GNG4: variants seen among roughly 807,000 people sequenced by gnomAD.
GNG4 encodes guanine nucleotide-binding protein G(I)/G(S)/G(O) subunit gamma-4.
Under a neutral mutation model 5.8 loss-of-function variants are expected in GNG4, and 4 were observed. That is an observed-to-expected ratio of 0.69 (90% CI 0.34 to 1.57). The LOEUF (loss-of-function observed/expected upper bound fraction) is 1.57, where lower values mean the gene tolerates loss of function less well. Ranked by LOEUF, GNG4 falls within the 40% of genes most tolerant of loss-of-function variation. The pLI is 0.06. For missense variants in GNG4, 96 were observed against 95.1 expected (o/e 1.01, Z -0.04); for synonymous variants, 29 against 32.9 (o/e 0.88, Z 0.41).
chr1:235,635,694 C>T (rs1015644089), intron 1 of GNG4, among the ~76,000 whole-genome samples: 3 of 152,106 alleles, frequency 2.0e-5, no homozygotes, highest in Non-Finnish European at 4.4e-5. Flanking sequence ...TATAGCAACA[C>T]AAAACCAACT....
intron 2 of GNG4, among the ~76,000 whole-genome samples, chr1:235,584,460 TTTG>T (rs1242088405): frequency 6.6e-6 from 1 of 151,456 alleles, no homozygotes; most frequent in East Asian, 1.9e-4. Flanking sequence ...TTAATTTTAA[TTTG>T]TTGTCCTTCC....
chr1:235,554,211 C>T (rs1371342340), intron 3 of GNG4, among the ~76,000 whole-genome samples: 3 of 152,102 alleles, frequency 2.0e-5, no homozygotes, highest in Admixed American at 2.0e-4. Flanking sequence ...GAGATTGAGC[C>T]CTCCCTTGCT....
At chr1:235,626,765 C>G (rs1688819017) in intron 1 of GNG4, among the ~76,000 whole-genome samples, 1 of 152,006 alleles carries the variant, frequency 6.6e-6, no homozygotes, top group African/African-American at 2.4e-5. Flanking sequence ...TAGGGACCAG[C>G]CTGGCCAACA....
chr1:235,633,641 C>T (rs2102984210), intron 1 of GNG4, among the ~76,000 whole-genome samples: 1 of 152,298 alleles, frequency 6.6e-6, no homozygotes, highest in Admixed American at 6.5e-5. Flanking sequence ...GTGCATGCCA[C>T]TGTGCCCAGC....
At chr1:235,598,185 C>T (rs1333281419) in intron 1 of GNG4, among the ~76,000 whole-genome samples, 1 of 152,206 alleles carries the variant, frequency 6.6e-6, no homozygotes. Context: ...TAAGGCCCTG[C>T]TCTACCCACC....
intron 2 of GNG4, among the ~76,000 whole-genome samples, chr1:235,587,832 G>A (rs1687858535): frequency 6.8e-6 from 1 of 147,524 alleles, no homozygotes; most frequent in East Asian, 2.0e-4. Context: ...CTCAGAGCAT[G>A]CGGGGTGAAC....
chr1:235,606,162 G>T (rs1688355886), intron 1 of GNG4, among the ~76,000 whole-genome samples: 1 of 152,016 alleles, frequency 6.6e-6, no homozygotes, highest in Non-Finnish European at 1.5e-5. Flanking sequence ...GGCGGATCAT[G>T]AAGTCAGGAG....
chr1:235,556,450 C>G (rs538784348), intron 3 of GNG4, among the ~76,000 whole-genome samples: 37 of 150,340 alleles, frequency 2.5e-4, no homozygotes, highest in African/African-American at 8.1e-4. Context: ...CCCAGCTACT[C>G]GGGAGGCTGA....
chr1:235,563,078 CTT>C (rs1017441027), intron 3 of GNG4, among the ~76,000 whole-genome samples: 3 of 152,082 alleles, frequency 2.0e-5, no homozygotes, highest in South Asian at 2.1e-4. Flanking sequence ...TTTACATTCT[CTT>C]TTGTTTTCTG....
chr1:235,597,255 A>T (rs1387728276), intron 1 of GNG4, among the ~76,000 whole-genome samples: 1 of 152,262 alleles, frequency 6.6e-6, no homozygotes, highest in Non-Finnish European at 1.5e-5. Flanking sequence ...GCCCGACAAG[A>T]ATAAGCTGAC....
intron 3 of GNG4, among the ~76,000 whole-genome samples, chr1:235,564,560 C>T (rs945941556): frequency 7.9e-5 from 12 of 152,180 alleles, no homozygotes; most frequent in African/African-American, 2.9e-4. Flanking sequence ...TCTTCTCCCT[C>T]CCCTATTTTA....
At chr1:235,577,568 G>A (rs1687518144) in intron 3 of GNG4, among the ~76,000 whole-genome samples, 1 of 152,120 alleles carries the variant, frequency 6.6e-6, no homozygotes, top group African/African-American at 2.4e-5. Flanking sequence ...AGCCTCCCAA[G>A]TAGCTGCGGC....
At chr1:235,572,616 C>T (rs1245127790) in intron 3 of GNG4, among the ~76,000 whole-genome samples, 5 of 151,652 alleles carry the variant, frequency 3.3e-5, no homozygotes, top group Non-Finnish European at 5.9e-5. Flanking sequence ...ATTCTCATGC[C>T]TCAGCCCCCT....
intron 3 of GNG4, among the ~76,000 whole-genome samples, chr1:235,561,158 T>C (rs561477197): frequency 1.2e-3 from 188 of 152,124 alleles, no homozygotes; most frequent in African/African-American, 4.3e-3. Flanking sequence ...TACAGGCGCC[T>C]GCCACCACGG....
intron 1 of GNG4, among the ~76,000 whole-genome samples, chr1:235,599,862 T>C (rs1475545880): frequency 6.6e-6 from 1 of 152,192 alleles, no homozygotes; most frequent in Non-Finnish European, 1.5e-5. Context: ...AGAAGCTCTT[T>C]GAGAGGCCAC....
intron 3 of GNG4, among the ~76,000 whole-genome samples, chr1:235,556,556 CAAAA>C (rs35257216): frequency 0.11 from 9,609 of 87,380 alleles, 422 homozygotes; most frequent in African/African-American, 0.22. Flanking sequence ...GACTCTGTCT[CAAAA>C]AAAAAAAAAA....
chr1:235,632,050 C>G (rs1182506444), intron 1 of GNG4, among the ~76,000 whole-genome samples: 2 of 152,164 alleles, frequency 1.3e-5, no homozygotes, highest in Non-Finnish European at 2.9e-5. Flanking sequence ...GCTGAACAGC[C>G]CGTCATGCAG....
intron 2 of GNG4, among the ~76,000 whole-genome samples, chr1:235,584,077 TGAGAA>T (rs538404400): frequency 1.1e-4 from 16 of 152,138 alleles, no homozygotes; most frequent in South Asian, 2.1e-4. Flanking sequence ...CCGGGGACAG[TGAGAA>T]GAGAACAGAA....
At chr1:235,636,514 C>T (rs1403490930) in intron 1 of GNG4, among the ~76,000 whole-genome samples, 1 of 152,150 alleles carries the variant, frequency 6.6e-6, no homozygotes, top group Non-Finnish European at 1.5e-5. Flanking sequence ...CTGCAGCAAG[C>T]CACGGCCACG....
Sources: allele counts gnomAD v4.1 joint callset (sites outside exome capture counted in the v4.1 genomes callset), GRCh38; gene constraint gnomAD v4.1.1; transcripts MANE v1.5; gene names NCBI Gene and HGNC (gene_info 2026-07-23, HGNC 2026-07-21).